The following SLC24A2 variants were observed in gnomAD, a reference collection of about 807,000 sequenced individuals.
SLC24A2 encodes sodium/potassium/calcium exchanger 2.
In SLC24A2, 36 loss-of-function variants were observed where a neutral mutation model predicts 62.0. The ratio of observed to expected loss-of-function variants is 0.58; its 90% CI spans 0.44 to 0.77. The LOEUF is 0.77. Ranked by LOEUF, SLC24A2 falls within the 30% of genes least tolerant of loss-of-function variation. SLC24A2 has a pLI of 0.00. For missense variants in SLC24A2, 846 were observed against 817.9 expected, an observed-to-expected ratio of 1.03 and a Z score of -0.42; for synonymous variants, 358 against 294.0, an observed-to-expected ratio of 1.22 and a Z score of -2.23.
the SLC24A2 span, among the ~76,000 whole-genome samples, chr9:19,948,403 T>A: frequency 1.4e-5 from 2 of 142,212 alleles, no homozygotes; most frequent in African/African-American, 4.9e-5. Context: ...CTTCTCTGGT[T>A]GTAATAAAGA....
At chr9:20,220,743 C>A in the SLC24A2 span, among the ~76,000 whole-genome samples, 1 of 152,112 alleles carries the variant, frequency 6.6e-6, no homozygotes, top group African/African-American at 2.4e-5. Context: ...TTTAAAAGCA[C>A]GTGAATGCTA....
At chr9:20,294,516 C>T in the SLC24A2 span, among the ~76,000 whole-genome samples, 2 of 152,130 alleles carry the variant, frequency 1.3e-5, no homozygotes, top group Admixed American at 6.5e-5. Context: ...AAACTCTTCC[C>T]TCAAAGCCCC....
chr9:19,661,285 T>A (rs1489531665), intron 2 of SLC24A2, among the ~76,000 whole-genome samples: 1 of 152,172 alleles, frequency 6.6e-6, no homozygotes, highest in East Asian at 1.9e-4. Flanking sequence ...TTTTGCATAT[T>A]TGTTATTTAA....
chr9:20,222,231 G>A, the SLC24A2 span, among the ~76,000 whole-genome samples: 4 of 151,306 alleles, frequency 2.6e-5, no homozygotes, highest in African/African-American at 9.7e-5. Flanking sequence ...GGAGGAAGGA[G>A]AAAAGAATGT....
chr9:19,614,574 T>A (rs1817715965), intron 4 of SLC24A2, among the ~76,000 whole-genome samples: 1 of 152,192 alleles, frequency 6.6e-6, no homozygotes, highest in Non-Finnish European at 1.5e-5. Flanking sequence ...TCTAATTTTG[T>A]CCCCATGAGT....
At chr9:20,113,704 T>C in the SLC24A2 span, among the ~76,000 whole-genome samples, 43 of 152,312 alleles carry the variant, frequency 2.8e-4, no homozygotes, top group Non-Finnish European at 6.0e-4. Flanking sequence ...ATCCATTATA[T>C]TAAACAGCAT....
intron 2 of SLC24A2, among the ~76,000 whole-genome samples, chr9:19,733,408 T>C (rs978405346): frequency 3.3e-5 from 5 of 152,182 alleles, no homozygotes; most frequent in Non-Finnish European, 7.3e-5. Flanking sequence ...TCCCCTTCAG[T>C]CATCCAGCCC....
the SLC24A2 span, among the ~76,000 whole-genome samples, chr9:20,285,117 G>A: frequency 2.0e-5 from 3 of 152,186 alleles, no homozygotes; most frequent in South Asian, 2.1e-4. Flanking sequence ...TCATATTCAT[G>A]TGAGGAAACC....
Position 19,734,882 on chromosome 9 carries a change from T to C in SLC24A2, c.930+51055A>G, listed in dbSNP as rs543532977. Among the ~76,000 whole-genome samples the C allele has an allele frequency of 6.6e-5, 10 of 152,214 alleles. No homozygotes were observed. The South Asian group carries it at 1.9e-3, about 28-fold the overall frequency. On this transcript the variant is annotated intron_variant, in intron 2 of 10. Coordinates refer to ENST00000341998, the MANE Select transcript of SLC24A2 (RefSeq NM_020344.4). ...ATTCTAGATGGATTAAAGACTTAAA[T>C]GTTAGACCTAAAACCATAAAAACCC...
the SLC24A2 span, among the ~76,000 whole-genome samples, chr9:20,174,936 A>C: frequency 6.6e-6 from 1 of 151,792 alleles, no homozygotes; most frequent in Non-Finnish European, 1.5e-5. Flanking sequence ...AATTGCAAAA[A>C]TGTGTAATCA....
At chr9:20,022,581 G>A in the SLC24A2 span, among the ~76,000 whole-genome samples, 2 of 152,250 alleles carry the variant, frequency 1.3e-5, no homozygotes, top group East Asian at 1.9e-4. Flanking sequence ...CCTCGTCCAC[G>A]TGCTTACTGT....
chr9:19,886,139 G>A, the SLC24A2 span, among the ~76,000 whole-genome samples: 1 of 152,118 alleles, frequency 6.6e-6, no homozygotes, highest in African/African-American at 2.4e-5. Context: ...GGGTCGAATG[G>A]CAATTCTGTT....
At chr9:19,656,334 G>C (rs1005782141) in intron 2 of SLC24A2, among the ~76,000 whole-genome samples, 1 of 152,196 alleles carries the variant, frequency 6.6e-6, no homozygotes, top group African/African-American at 2.4e-5. Context: ...GTTACAGTTA[G>C]ATCAGTCTGA....
chr9:19,960,552 A>T, the SLC24A2 span, among the ~76,000 whole-genome samples: 1 of 152,210 alleles, frequency 6.6e-6, no homozygotes, highest in African/African-American at 2.4e-5. Context: ...TTTGAACTTC[A>T]GTTTCTCACC....
At chr9:19,880,306 C>T in the SLC24A2 span, among the ~76,000 whole-genome samples, 1 of 152,182 alleles carries the variant, frequency 6.6e-6, no homozygotes, top group African/African-American at 2.4e-5. Context: ...TGGCATGCAA[C>T]TTTTCATCAT....
the SLC24A2 span, among the ~76,000 whole-genome samples, chr9:20,279,230 A>G: frequency 1.3e-5 from 2 of 152,196 alleles, no homozygotes; most frequent in Non-Finnish European, 2.9e-5. Flanking sequence ...ATATAAGCAT[A>G]TATTGTTTAT....
intron 2 of SLC24A2, among the ~76,000 whole-genome samples, chr9:19,740,155 G>GA (rs200600665): frequency 7.8e-5 from 4 of 51,392 alleles, no homozygotes; most frequent in Non-Finnish European, 3.7e-5. Context: ...CAACCACTTT[G>GA]AAAAATTCTT....
chr9:20,082,959 G>T, the SLC24A2 span, among the ~76,000 whole-genome samples: 7 of 152,144 alleles, frequency 4.6e-5, no homozygotes, highest in Non-Finnish European at 1.0e-4. Flanking sequence ...TGTCTCAATA[G>T]AGAAACACAC....
At chr9:19,549,182 G>C (rs550786307) in intron 8 of SLC24A2, among the ~76,000 whole-genome samples, 28 of 152,318 alleles carry the variant, frequency 1.8e-4, no homozygotes, top group African/African-American at 6.0e-4. Context: ...GTCGATTAAA[G>C]TAATGATAGT....
Sources: allele counts gnomAD v4.1 joint callset (sites outside exome capture counted in the v4.1 genomes callset), GRCh38; gene constraint gnomAD v4.1.1; transcripts MANE v1.5; gene names NCBI Gene and HGNC (gene_info 2026-07-23, HGNC 2026-07-21).